FGF13: variants seen among roughly 807,000 people sequenced by gnomAD.
FGF13 encodes fibroblast growth factor 13, also known as fibroblast growth factor homologous factor 2.
Under a neutral mutation model 19.5 loss-of-function variants are expected in FGF13, and 2 were observed. That is an observed-to-expected ratio of 0.10 (90% CI 0.04 to 0.32). The LOEUF (loss-of-function observed/expected upper bound fraction) is 0.32. Ranked by LOEUF, FGF13 falls within the 10% of genes least tolerant of loss-of-function variation. The pLI, the probability that FGF13 is intolerant of heterozygous loss-of-function variation, is 1.00. For missense variants in FGF13, 113 were observed against 192.7 expected (o/e 0.59, Z 2.45); for synonymous variants, 72 against 76.9 (o/e 0.94, Z 0.33).
chrX:138,996,004 G>C (rs897559327), intron 1 of FGF13, among the ~76,000 whole-genome samples: 61 of 111,822 alleles, frequency 5.5e-4, no homozygotes, highest in African/African-American at 1.7e-3. Context: ...CCTCACCAGG[G>C]TAAGCTAAAG....
intron 1 of FGF13, among the ~76,000 whole-genome samples, chrX:139,083,701 T>C (rs2083385513): frequency 9.1e-6 from 1 of 109,894 alleles, no homozygotes; most frequent in Non-Finnish European, 1.9e-5. Flanking sequence ...TGAAACCCCG[T>C]CTCTACTAAA....
chrX:138,742,308 T>A (rs1277655324), upstream of FGF13, among the ~76,000 whole-genome samples: 2 of 112,323 alleles, frequency 1.8e-5, no homozygotes, highest in Non-Finnish European at 3.8e-5. Flanking sequence ...GTGTCCGTCA[T>A]AACTGTGGCA....
intron 1 of FGF13, among the ~76,000 whole-genome samples, chrX:138,898,076 T>C (rs1438555751): frequency 2.7e-5 from 3 of 110,998 alleles, no homozygotes; most frequent in African/African-American, 9.8e-5. Flanking sequence ...ATAAATGCCA[T>C]GGGATCTTTC....
rs1368451543 is a variant in FGF13, at chrX:138,624,770, C to T, written c.*8080G>A. On this transcript the variant is annotated 3_prime_UTR_variant, in exon 5 of 5. Coordinates refer to ENST00000315930, the MANE Select transcript of FGF13 (RefSeq NM_004114.5). ...TCACCTGATCCTGGGGAGGTCAAGG[C>T]TGTGGTGAGACATGATCACACCACT... 1 of 111,012 alleles carries T rather than the reference C, an allele frequency of 9.0e-6. No individual in the cohort carries two copies. Among genetic ancestry groups the T allele is most frequent in the Non-Finnish European group, 1.9e-5 (1 of 52,982 alleles). The allele number at this position is 111,012 out of a possible 1,213,427, so 9.1% of individuals were successfully genotyped here. A position where few individuals can be genotyped will look rare whatever the true frequency, so the allele number is the denominator to read the frequency against.
intron 3 of FGF13, among the ~76,000 whole-genome samples, chrX:138,796,260 C>T (rs2090777548): frequency 9.0e-6 from 1 of 110,974 alleles, no homozygotes; most frequent in South Asian, 3.9e-4. Flanking sequence ...GTGATCTTCC[C>T]CTCCATGTGT....
chrX:138,818,031 A>T (rs1254045960), intron 3 of FGF13, among the ~76,000 whole-genome samples: 1 of 111,579 alleles, frequency 9.0e-6, no homozygotes, highest in African/African-American at 3.3e-5. Context: ...CTGGTCTGTA[A>T]CACTCAAGAC....
At chrX:139,048,808 T>C (rs2092295755) in intron 1 of FGF13, among the ~76,000 whole-genome samples, 1 of 111,216 alleles carries the variant, frequency 9.0e-6, no homozygotes, top group Admixed American at 9.6e-5. Flanking sequence ...AATGATTTTA[T>C]AGTTGAATCT....
At chrX:138,840,643 A>C (rs1483346213) in intron 3 of FGF13, among the ~76,000 whole-genome samples, 1 of 111,711 alleles carries the variant, frequency 9.0e-6, no homozygotes, top group Non-Finnish European at 1.9e-5. Flanking sequence ...GGAAGGAAGG[A>C]AATATAGGTA....
chrX:139,020,626 T>C (rs2092174244), intron 1 of FGF13, among the ~76,000 whole-genome samples: 1 of 111,589 alleles, frequency 9.0e-6, no homozygotes, highest in Non-Finnish European at 1.9e-5. Flanking sequence ...AATTCCACCT[T>C]TGCTATAAAG....
At chrX:138,938,909 T>A (rs2091745032) in intron 1 of FGF13, among the ~76,000 whole-genome samples, 1 of 111,356 alleles carries the variant, frequency 9.0e-6, no homozygotes, top group Non-Finnish European at 1.9e-5. Context: ...TCTACTCAGC[T>A]TCTTGTGCGG....
At chrX:139,141,133 A>ACACACACACACACAC (rs1467720431) in intron 1 of FGF13, among the ~76,000 whole-genome samples, 1 of 107,892 alleles carries the variant, frequency 9.3e-6, no homozygotes, top group African/African-American at 3.4e-5. Context: ...ACACACACAC[A>ACACACACACACACAC]ATTGGCACCC....
chrX:138,663,842 A>G (rs1276073766), intron 3 of FGF13, among the ~76,000 whole-genome samples: 1 of 111,156 alleles, frequency 9.0e-6, no homozygotes, highest in African/African-American at 3.3e-5. Context: ...GAGGAGGGGG[A>G]CCATTTTAGT....
intron 1 of FGF13, among the ~76,000 whole-genome samples, chrX:138,879,164 T>A (rs1216643757): frequency 3.6e-5 from 4 of 111,807 alleles, no homozygotes; most frequent in East Asian, 5.6e-4. Flanking sequence ...CATTTGTATA[T>A]CTTCATTGGA....
intron 3 of FGF13, among the ~76,000 whole-genome samples, chrX:138,803,488 C>T (rs1452745085): frequency 8.9e-6 from 1 of 111,925 alleles, no homozygotes; most frequent in Non-Finnish European, 1.9e-5. Flanking sequence ...TCTGCTTAGG[C>T]TAGTCTCTCT....
chrX:138,677,423 A>G (rs1221523224), intron 3 of FGF13, among the ~76,000 whole-genome samples: 15 of 110,422 alleles, frequency 1.4e-4, no homozygotes, highest in African/African-American at 4.3e-4. Context: ...TTCACAACCT[A>G]CTCATCTGAC....
intron 1 of FGF13, among the ~76,000 whole-genome samples, chrX:139,041,197 C>G (rs141413307): frequency 0.013 from 1,401 of 109,645 alleles, 36 homozygotes; most frequent in African/African-American, 0.045. Context: ...TACACATGTA[C>G]CCCTGAACTT....
In FGF13 at chrX:139,069,615, TA is replaced by T. The variant is rs796108737; in HGVS notation, c.-113+133800del. On this transcript the variant is annotated intron_variant, in intron 1 of 2. Transcript: ENST00000421460. ...GTACCCTAAAACTTAAAGTATAATTTAAAAAAAAAAACTACTTTAAATTTCA... is the reference window on the plus strand; with the variant it reads ...GTACCCTAAAACTTAAAGTATAATTTAAAAAAAAAACTACTTTAAATTTCA... Among the ~76,000 whole-genome samples the T allele has an allele frequency of 1.7e-3, 180 of 103,291 alleles. 4 individuals carry two copies. In the South Asian group the frequency reaches 0.051, roughly 29 times the overall value. The allele number at this position is 103,291 out of a possible 115,157, so 89.7% of individuals were successfully genotyped here. A position where few individuals can be genotyped will look rare whatever the true frequency, so the allele number is the denominator to read the frequency against.
intron 3 of FGF13, among the ~76,000 whole-genome samples, chrX:138,850,061 C>T (rs1011445739): frequency 7.2e-5 from 8 of 111,155 alleles, no homozygotes; most frequent in South Asian, 3.8e-4. Flanking sequence ...AGGAAACCAC[C>T]ACCATGATTG....
At chrX:138,954,600 TATTGTGAG>T (rs965364680) in intron 1 of FGF13, among the ~76,000 whole-genome samples, 2 of 111,961 alleles carry the variant, frequency 1.8e-5, no homozygotes, top group African/African-American at 6.5e-5. Context: ...TATTGTGATC[TATTGTGAG>T]ATAATTCTAC....
Sources: gnomAD v4.1 joint callset for allele counts (sites outside exome capture counted in the v4.1 genomes callset) on GRCh38, gnomAD v4.1.1 for gene constraint, MANE v1.5 for transcripts, NCBI Gene and HGNC (gene_info 2026-07-23, HGNC 2026-07-21) for gene names.